SPAG16: variants seen among roughly 807,000 people sequenced by gnomAD.
The protein encoded by SPAG16 is sperm associated antigen 16.
SPAG16 carries 86 observed loss-of-function variants against 80.4 expected under a neutral mutation model. The ratio of observed to expected loss-of-function variants is 1.07; its 90% CI spans 0.90 to 1.28. The LOEUF is 1.28. Ranked by LOEUF, SPAG16 falls within the 50% of genes most tolerant of loss-of-function variation. The pLI is 0.00. For missense variants in SPAG16, 870 were observed against 765.3 expected (o/e 1.14, Z -1.61); for synonymous variants, 294 against 265.9 (o/e 1.11, Z -1.03).
intron 5 of SPAG16, among the ~76,000 whole-genome samples, chr2:213,331,520 T>G (rs570008276): frequency 6.6e-6 from 1 of 152,266 alleles, no homozygotes; most frequent in Non-Finnish European, 1.5e-5. Flanking sequence ...CCATTTTCAG[T>G]ATTGGACAGG....
intron 10 of SPAG16, among the ~76,000 whole-genome samples, chr2:213,841,541 G>A (rs2074365465): frequency 6.6e-6 from 1 of 152,000 alleles, no homozygotes. Flanking sequence ...CATAGCGTTA[G>A]CATTGTTCTT....
At chr2:214,019,001 A>C (rs1451082907) in intron 13 of SPAG16, among the ~76,000 whole-genome samples, 2 of 152,222 alleles carry the variant, frequency 1.3e-5, no homozygotes, top group African/African-American at 4.8e-5. Context: ...TGGAGGCTAC[A>C]AAATAACTTG....
chr2:214,095,690 A>G (rs1408557752), intron 13 of SPAG16, among the ~76,000 whole-genome samples: 3 of 152,110 alleles, frequency 2.0e-5, no homozygotes, highest in African/African-American at 7.2e-5. Context: ...ATAATTTGGG[A>G]AGTAAATACT....
intron 3 of SPAG16, among the ~76,000 whole-genome samples, chr2:213,299,437 ATT>A (rs11336075): frequency 0.21 from 31,445 of 146,688 alleles, 4,208 homozygotes; most frequent in Non-Finnish European, 0.31. Flanking sequence ...CACCGAGCTA[ATT>A]TTTTTTTTTT....
chr2:214,387,963 G>C (rs1442159124), intron 15 of SPAG16, among the ~76,000 whole-genome samples: 2 of 151,830 alleles, frequency 1.3e-5, no homozygotes, highest in Non-Finnish European at 2.9e-5. Flanking sequence ...TATACCATAA[G>C]TTTTACATTT....
chr2:214,203,838 CAG>C (rs1447215608), intron 15 of SPAG16, among the ~76,000 whole-genome samples: 1 of 152,156 alleles, frequency 6.6e-6, no homozygotes, highest in Non-Finnish European at 1.5e-5. Flanking sequence ...GGGGGCGAAT[CAG>C]GGGTGCAGAC....
In SPAG16 at chr2:213,623,522, C is replaced by T. The variant is rs573000822; in HGVS notation, c.1070+133432C>T. On this transcript the variant is annotated intron_variant, in intron 10 of 15. Transcript: ENST00000331683. ...CATTTTATATCAACTTCTTTTGTTC[C>T]ATTGTCAGAATCTAAAGAAATATTA... Among the ~76,000 whole-genome samples the T allele has an allele frequency of 3.3e-5, 5 of 152,034 alleles. No homozygotes were observed. The South Asian group carries it at 1.0e-3, about 32-fold the overall frequency.
chr2:214,228,233 A>G (rs1367221374), intron 15 of SPAG16, among the ~76,000 whole-genome samples: 2 of 151,950 alleles, frequency 1.3e-5, no homozygotes, highest in African/African-American at 4.8e-5. Flanking sequence ...CTTTCTGCAA[A>G]TTTCAACTAT....
At chr2:214,177,069 T>A (rs2057114252) in intron 15 of SPAG16, among the ~76,000 whole-genome samples, 1 of 151,232 alleles carries the variant, frequency 6.6e-6, no homozygotes. Flanking sequence ...TTTCAAGAAT[T>A]ATGTTTGGAA....
intron 10 of SPAG16, among the ~76,000 whole-genome samples, chr2:213,836,169 A>T (rs1344060158): frequency 9.2e-6 from 1 of 108,548 alleles, no homozygotes; most frequent in African/African-American, 3.3e-5. Flanking sequence ...AGGAATTTTC[A>T]TTATTCGCCC....
At chr2:214,115,259 T>C (rs1377951282) in intron 14 of SPAG16, among the ~76,000 whole-genome samples, 1 of 152,214 alleles carries the variant, frequency 6.6e-6, no homozygotes, top group Non-Finnish European at 1.5e-5. Flanking sequence ...CACAGGTCTC[T>C]TGAGGACATG....
intron 10 of SPAG16, among the ~76,000 whole-genome samples, chr2:213,699,008 CCTCT>C (rs1205355355): frequency 2.6e-5 from 4 of 152,144 alleles, no homozygotes; most frequent in Admixed American, 6.5e-5. Context: ...TTCTTCTTTT[CCTCT>C]CTAAGTTCTG....
At chr2:213,411,291 C>A (rs1435643130) in intron 9 of SPAG16, among the ~76,000 whole-genome samples, 1 of 152,148 alleles carries the variant, frequency 6.6e-6, no homozygotes, top group Non-Finnish European at 1.5e-5. Context: ...AATATCAGAT[C>A]AGTTTAAAGC....
intron 10 of SPAG16, among the ~76,000 whole-genome samples, chr2:213,853,045 G>C (rs1311965834): frequency 6.6e-6 from 1 of 152,150 alleles, no homozygotes; most frequent in Non-Finnish European, 1.5e-5. Flanking sequence ...AGGACAGGTA[G>C]GTAAGTGGTC....
intron 13 of SPAG16, among the ~76,000 whole-genome samples, chr2:214,034,034 C>G (rs951070207): frequency 6.6e-6 from 1 of 151,856 alleles, no homozygotes; most frequent in Non-Finnish European, 1.5e-5. Context: ...ATTTCTCTTT[C>G]ATTGTGTTTC....
chr2:214,331,107 A>C (rs964152823), intron 15 of SPAG16, among the ~76,000 whole-genome samples: 1 of 152,054 alleles, frequency 6.6e-6, no homozygotes, highest in African/African-American at 2.4e-5. Flanking sequence ...AGTGACCCAA[A>C]TCCTAATTCC....
intron 15 of SPAG16, among the ~76,000 whole-genome samples, chr2:214,399,507 CACATTCAAGAAAGAGGATT>C (rs1701591062): frequency 6.6e-6 from 1 of 151,982 alleles, no homozygotes; most frequent in South Asian, 2.1e-4. Context: ...GACAAACCTC[CACATTCAAGAAAGAGGATT>C]CCTTTATAAT....
intron 11 of SPAG16, among the ~76,000 whole-genome samples, chr2:213,902,753 A>G (rs1262965675): frequency 6.6e-6 from 1 of 152,104 alleles, no homozygotes; most frequent in Non-Finnish European, 1.5e-5. Flanking sequence ...CATTAACCCA[A>G]AAGTCCACAG....
chr2:213,454,624 C>T (rs2071889330), intron 9 of SPAG16, among the ~76,000 whole-genome samples: 1 of 152,066 alleles, frequency 6.6e-6, no homozygotes, highest in Non-Finnish European at 1.5e-5. Flanking sequence ...GATATTTGGT[C>T]ACCGGGAAGA....
Sources: allele counts gnomAD v4.1 joint callset (sites outside exome capture counted in the v4.1 genomes callset), GRCh38; gene constraint gnomAD v4.1.1; transcripts MANE v1.5; gene names NCBI Gene and HGNC (gene_info 2026-07-23, HGNC 2026-07-21).